The following IGF1 variants were observed in gnomAD, a reference collection of about 807,000 sequenced individuals.
IGF1 encodes the protein insulin-like growth factor 1.
Under a neutral mutation model 13.8 loss-of-function variants are expected in IGF1, and 4 were observed. That is an observed-to-expected ratio of 0.29 (90% CI 0.14 to 0.66). The LOEUF (loss-of-function observed/expected upper bound fraction) is 0.66. IGF1 is among the 30% of genes least tolerant of loss of function. The pLI, the probability that IGF1 is intolerant of heterozygous loss-of-function variation, is 0.78. For missense variants in IGF1, 124 were observed against 188.5 expected (o/e 0.66, Z 2.00); for synonymous variants, 76 against 72.6 (o/e 1.05, Z -0.23).
chr12:102,428,647 C>A (rs906710327), intron 2 of IGF1, among the ~76,000 whole-genome samples: 11 of 152,174 alleles, frequency 7.2e-5, no homozygotes, highest in African/African-American at 2.4e-4. Context: ...TCTAATAATC[C>A]TTGGGCATGG....
intron 2 of IGF1, among the ~76,000 whole-genome samples, chr12:102,451,872 T>A (rs1243036503): frequency 6.6e-6 from 1 of 152,112 alleles, no homozygotes; most frequent in Non-Finnish European, 1.5e-5. Context: ...GTTTCCCCCA[T>A]GCTGTTCTCA....
At chr12:102,421,422 CA>C (rs1278548552) in intron 2 of IGF1, among the ~76,000 whole-genome samples, 1 of 152,156 alleles carries the variant, frequency 6.6e-6, no homozygotes, top group Non-Finnish European at 1.5e-5. Flanking sequence ...AATGGGCTTA[CA>C]CTGTCCTTTG....
At chr12:102,458,730 C>CAAA (rs397825972) in intron 2 of IGF1, among the ~76,000 whole-genome samples, 4 of 73,428 alleles carry the variant, frequency 5.4e-5, no homozygotes, top group East Asian at 5.1e-4. Context: ...GAACACTGAC[C>CAAA]AAAAAAAAAA....
chr12:102,463,108 A>G (rs973309012), intron 2 of IGF1: 4 of 152,210 alleles, frequency 2.6e-5, no homozygotes, highest in Non-Finnish European at 4.4e-5. Flanking sequence ...CATATGGAAC[A>G]TATATTTGGC....
rs902236491 is a variant in IGF1 at position 102,396,729 on chromosome 12, T to A, written c.*5778A>T. On this transcript the variant is annotated 3_prime_UTR_variant, in exon 4 of 4. Coordinates refer to ENST00000337514, the MANE Select transcript of IGF1 (RefSeq NM_000618.5). The stretch of plus-strand genomic sequence containing the variant: ...TTCAGCTCCGGTTATTAGGAGAAAC[T>A]CTGTCTCCATCTTAACTCATATTTC... The A allele has an allele frequency of 5.1e-6, 2 of 394,552 alleles. No individual in the cohort carries two copies. Among genetic ancestry groups the A allele is most frequent in the Non-Finnish European group, 8.9e-6 (2 of 223,776 alleles). 24.4% of individuals were successfully genotyped at this position (394,552 alleles called of 1,614,324 possible).
rs1873225258 is a variant in IGF1, at chr12:102,396,818, G to A, written c.*5689C>T. ...TTTTTTTTTACTTTAAAAAAGCTTG[G>A]ATTTTTTTCCCCTTGAAAGACCCCA... On this transcript the variant is annotated 3_prime_UTR_variant, in exon 4 of 4. Coordinates refer to ENST00000337514, the MANE Select transcript of IGF1 (RefSeq NM_000618.5). 1 of 396,992 alleles carries A rather than the reference G, an allele frequency of 2.5e-6. No homozygotes were observed. Among genetic ancestry groups the A allele is most frequent in the South Asian group, 1.3e-4 (1 of 7,784 alleles). The allele number at this position is 396,992 out of a possible 1,614,324, so 24.6% of individuals were successfully genotyped here.
At chr12:102,452,188 G>C (rs532203245) in intron 2 of IGF1, among the ~76,000 whole-genome samples, 99 of 149,174 alleles carry the variant, frequency 6.6e-4, no homozygotes, top group Non-Finnish European at 1.2e-3. Context: ...CGTGAACCCG[G>C]GAGGCGGAGC....
intron 2 of IGF1, among the ~76,000 whole-genome samples, chr12:102,444,207 C>T (rs887122865): frequency 2.0e-5 from 3 of 151,832 alleles, no homozygotes; most frequent in African/African-American, 4.8e-5. Flanking sequence ...GAGTGAGGTC[C>T]TCTCTGCTCT....
chr12:102,434,865 A>C (rs973771075), intron 2 of IGF1, among the ~76,000 whole-genome samples: 14 of 151,700 alleles, frequency 9.2e-5, no homozygotes, highest in South Asian at 4.2e-4. Context: ...GGTATCTCAT[A>C]GTGGTTTTGA....
chr12:102,412,473 A>G (rs1408898704), intron 3 of IGF1, among the ~76,000 whole-genome samples: 1 of 152,202 alleles, frequency 6.6e-6, no homozygotes, highest in Non-Finnish European at 1.5e-5. Context: ...GGTGTAGTTT[A>G]TTACAGATTC....
At chr12:102,445,921 T>C (rs1323515399) in intron 2 of IGF1, among the ~76,000 whole-genome samples, 1 of 152,162 alleles carries the variant, frequency 6.6e-6, no homozygotes, top group African/African-American at 2.4e-5. Context: ...ATACCTAGTT[T>C]ATTGAGAGTT....
intron 2 of IGF1, among the ~76,000 whole-genome samples, chr12:102,452,261 CAAAAAAAAAAAAAAA>C (rs538007224): frequency 2.4e-5 from 1 of 42,158 alleles, no homozygotes; most frequent in Non-Finnish European, 3.7e-5. Context: ...GACTCCGTCT[CAAAAAAAAAAAAAAA>C]AAAAAAAAAA....
intron 2 of IGF1, among the ~76,000 whole-genome samples, chr12:102,461,046 G>GGATT (rs1427365293): frequency 6.6e-6 from 1 of 152,028 alleles, no homozygotes; most frequent in Non-Finnish European, 1.5e-5. Context: ...GAGACCCAGG[G>GGATT]GATTAATAAT....
chr12:102,452,969 G>GA (rs755402299), intron 2 of IGF1, among the ~76,000 whole-genome samples: 18 of 150,700 alleles, frequency 1.2e-4, no homozygotes, highest in Admixed American at 2.0e-4. Context: ...TTCAATATGA[G>GA]AAAAAAAAAG....
In IGF1 at chr12:102,401,651, T is replaced by TA. The variant is rs1437926068; in HGVS notation, c.*855dup. ...TTTACATACTGTTTGATATATCCTG[T>TA]ATAATTGATATGCTAAATTTACATA... On this transcript the variant is annotated 3_prime_UTR_variant, in exon 4 of 4. Coordinates refer to ENST00000337514, the MANE Select transcript of IGF1 (RefSeq NM_000618.5). The TA allele has an allele frequency of 3.3e-5, 5 of 152,640 alleles. No homozygotes were observed. The highest frequency in any genetic ancestry group is 3.3e-4 in the Admixed American group (5 of 15,278). 9.5% of individuals were successfully genotyped at this position (152,640 alleles called of 1,614,324 possible).
chr12:102,448,709 A>T (rs917866624), intron 2 of IGF1, among the ~76,000 whole-genome samples: 27 of 151,554 alleles, frequency 1.8e-4, no homozygotes, highest in Non-Finnish European at 1.0e-4. Context: ...AAAAAAAAAA[A>T]AAAAAAATCT....
rs891576027 is a variant in IGF1, at chr12:102,400,347, T to C, written c.*2160A>G. 2 of 152,156 alleles carry C rather than the reference T, an allele frequency of 1.3e-5. No individual in the cohort carries two copies. The highest frequency in any genetic ancestry group is 4.8e-5 in the African/African-American group (2 of 41,436). 9.4% of individuals were successfully genotyped at this position (152,156 alleles called of 1,614,324 possible). ...CATTGTTCTAATGAGAAAATCTTGATCTGCAGATAGGGATCATTTTCTAGG... is the reference window on the plus strand; with the variant it reads ...CATTGTTCTAATGAGAAAATCTTGACCTGCAGATAGGGATCATTTTCTAGG... On this transcript the variant is annotated 3_prime_UTR_variant, in exon 4 of 4. Transcript: ENST00000337514.
chr12:102,467,555 C>T (rs1014159728), intron 2 of IGF1, among the ~76,000 whole-genome samples: 1 of 152,122 alleles, frequency 6.6e-6, no homozygotes, highest in African/African-American at 2.4e-5. Context: ...GGACGGAATG[C>T]CCAAAGTACA....
chr12:102,472,859 A>G (rs1880772082), intron 2 of IGF1, among the ~76,000 whole-genome samples: 1 of 151,278 alleles, frequency 6.6e-6, no homozygotes, highest in African/African-American at 2.4e-5. Context: ...CCTCTAAGTC[A>G]TTGTTAGTAT....
Sources: gnomAD v4.1 joint callset for allele counts (sites outside exome capture counted in the v4.1 genomes callset) on GRCh38, gnomAD v4.1.1 for gene constraint, MANE v1.5 for transcripts, NCBI Gene and HGNC (gene_info 2026-07-23, HGNC 2026-07-21) for gene names.